Variants in PODNL1 observed in about 807,000 individuals in gnomAD.
PODNL1 encodes podocan like 1, also known as podocan-like protein 1.
Under a neutral mutation model 45.1 loss-of-function variants are expected in PODNL1, and 50 were observed. The observed-to-expected ratio is 1.11, with a 90% CI of 0.88 to 1.40. The LOEUF (loss-of-function observed/expected upper bound fraction) is 1.40. Ranked by LOEUF, PODNL1 falls within the 40% of genes most tolerant of loss-of-function variation. The pLI is 0.00. For synonymous variants in PODNL1, 406 were observed against 372.5 expected (o/e 1.09, Z -1.04); for missense variants, 788 against 793.3 (o/e 0.99, Z 0.08).
At chr19:13,940,951 T>G (rs1568440768), upstream of PODNL1, among the ~76,000 whole-genome samples, 1 of 151,378 alleles carries the variant, frequency 6.6e-6, no homozygotes, top group African/African-American at 2.4e-5. Context: ...GAGGCTGAAG[T>G]GGGAGGATCA....
chr19:13,952,268 A>G (rs181031378), intron 1 of PODNL1, among the ~76,000 whole-genome samples: 143 of 152,380 alleles, frequency 9.4e-4, no homozygotes, highest in Admixed American at 2.9e-3. Flanking sequence ...TTATCTGGGC[A>G]GGGCGAACAA....
rs982627421 is a variant in PODNL1 at position 13,933,163 on chromosome 19, G to A, written c.1060C>T (p.Arg354Cys). 9.1e-6 allele frequency: 14 copies of A among 1,531,584 alleles called. No individual in the cohort carries two copies. The highest frequency in any genetic ancestry group is 2.7e-5 in the African/African-American group (2 of 72,978). The allele number at this position is 1,531,584 out of a possible 1,614,324, so 94.9% of individuals were successfully genotyped here. ...RVPPALPRRL[R>C]ALVLPHNHVA... The stretch of plus-strand genomic sequence containing the variant: ...TGGTTGTGGGGCAGCACCAGGGCAC[G>A]CAGGCGGCGGGGCAGGGCTGGAGGC... Residue 354 changes from arginine (R) to cysteine (C), a missense_variant, in exon 8 of 10, where the codon CGT (arginine) becomes TGT (cysteine). Physicochemically the swap from Arg to Cys is radical, Grantham distance 180. Around this residue, in one of 3 missense-constraint regions of PODNL1, gnomAD observed 762 missense variants for 750.9 expected, o/e 1.01. Transcript: ENST00000588872. The surrounding 1 kb of genome is among the most constrained non-coding windows in gnomAD (Gnocchi z 5.2).
At position 13,937,838 on chromosome 19, in the gene PODNL1, G is replaced by T; in HGVS notation, c.172C>A (p.Leu58Ile). The change falls in exon 2 of 10, where the codon CTT becomes ATT. Residue 58 changes from leucine (L) to isoleucine (I), a missense_variant. Around this residue, in one of 3 missense-constraint regions of PODNL1, gnomAD observed 762 missense variants for 750.9 expected, o/e 1.01. Transcript: ENST00000588872. Reference protein sequence around the residue: ...VDTVDCDGLDLRVFPDNITRA... With the variant: ...VDTVDCDGLDIRVFPDNITRA... ...GTGATGTTGTCCGGGAACACTCGAA[G>T]GTCCAAGCCATCACAGTCCACAGTG... 6.3e-7 allele frequency: 1 copy of T among 1,596,804 alleles called. No individual in the cohort carries two copies. Among genetic ancestry groups the T allele is most frequent in the South Asian group, 1.1e-5 (1 of 88,078 alleles).
exon 1 of PODNL1, chr19:13,953,307 A>T: frequency 1.7e-6 from 1 of 602,344 alleles, no homozygotes; most frequent in Non-Finnish European, 2.8e-6. Flanking sequence ...GATCTCTTGC[A>T]GGTGGGCAGT....
intron 5 of PODNL1, among the ~76,000 whole-genome samples, chr19:13,935,250 A>G (rs1278486350): frequency 6.6e-6 from 1 of 152,100 alleles, no homozygotes; most frequent in Non-Finnish European, 1.5e-5. Context: ...CCAGGGTAGA[A>G]CTATGCCCTC....
In PODNL1 at chr19:13,935,789, G is replaced by A. The variant is rs762487027; in HGVS notation, c.426C>T (p.Val142=). 1.3e-5 allele frequency: 21 copies of A among 1,598,304 alleles called. No individual in the cohort carries two copies. Among genetic ancestry groups the A allele is most frequent in the Middle Eastern group, 1.7e-4 (1 of 5,972 alleles). ...APQFLPRSLR[V]ADLAANQVME... The stretch of plus-strand genomic sequence containing the variant: ...TCACTTGGTTGGCAGCCAGATCCGC[G>A]ACACGGAGGGACCGGGGCAGAAACT... Residue 142 remains valine (V), a synonymous_variant, in exon 5 of 10, where the codon GTC becomes GTT. Coordinates refer to ENST00000588872, the MANE Select transcript of PODNL1 (RefSeq NM_001370095.3).
At chr19:13,935,076 GTGAT>G (rs1283266601) in intron 5 of PODNL1, among the ~76,000 whole-genome samples, 3 of 152,080 alleles carry the variant, frequency 2.0e-5, no homozygotes, top group Non-Finnish European at 4.4e-5. Flanking sequence ...GTGTGTGCAT[GTGAT>G]TGTGTGTGCA....
Position 13,931,632 on chromosome 19 carries a change from G to T in PODNL1, c.*105C>A. 8.7e-7 allele frequency: 1 copy of T among 1,150,152 alleles called. No individual in the cohort carries two copies. The highest frequency in any genetic ancestry group is 1.1e-6 in the Non-Finnish European group (1 of 914,268). 71.2% of individuals were successfully genotyped at this position (1,150,152 alleles called of 1,614,324 possible). A position where few individuals can be genotyped will look rare whatever the true frequency, so the allele number is the denominator to read the frequency against. The stretch of plus-strand genomic sequence containing the variant: ...CAGGCAGAGCAGGCCCAGCCCTGGA[G>T]GCCCAGGAGAGCCAGACCAAGGGCC... On this transcript the variant is annotated 3_prime_UTR_variant, in exon 10 of 10. Transcript: ENST00000588872.
At chr19:13,952,555 A>AGCGGCG in intron 1 of PODNL1, 1 of 1,264,160 alleles carries the variant, frequency 7.9e-7, no homozygotes, top group Non-Finnish European at 1.0e-6. Flanking sequence ...CGGGGCTGGG[A>AGCGGCG]GCGGCGGCGG....
At chr19:13,932,299 CACAG>C (rs1366199961) in intron 8 of PODNL1, 187 bp from the exon 9 acceptor site, 13 of 654,942 alleles carry the variant, frequency 2.0e-5, no homozygotes, top group Non-Finnish European at 2.6e-5. Flanking sequence ...CCCAGGAAGG[CACAG>C]ACAGACAGGT....
chr19:13,936,334 C>T, intron 3 of PODNL1, 33 bp downstream of exon 3: 1 of 1,569,426 alleles, frequency 6.4e-7, no homozygotes, highest in Admixed American at 1.7e-5. Context: ...AGTCCTACAG[C>T]CCCAGAGAGG....
intron 1 of PODNL1, among the ~76,000 whole-genome samples, chr19:13,947,681 C>G (rs944961155): frequency 1.3e-5 from 2 of 152,204 alleles, no homozygotes; most frequent in East Asian, 3.9e-4. Context: ...TTGGGCCAAA[C>G]TGACTTCTCC....
chr19:13,952,791 G>C, intron 1 of PODNL1: 3 of 1,250,970 alleles, frequency 2.4e-6, no homozygotes, highest in Non-Finnish European at 2.1e-6. Context: ...GGCGGGGCCC[G>C]GGGGAGATGG....
Position 13,932,123 on chromosome 19 carries a change from G to T in PODNL1, c.1426-11C>A. 1.6e-6 allele frequency: 2 copies of T among 1,234,376 alleles called. No homozygotes were observed. The highest frequency in any genetic ancestry group is 3.1e-4 in the Middle Eastern group (1 of 3,210). The allele number at this position is 1,234,376 out of a possible 1,614,324, so 76.5% of individuals were successfully genotyped here. On this transcript the variant is annotated splice_polypyrimidine_tract_variant and intron_variant, in intron 8 of 9. Transcript: ENST00000588872. ...GCTGAGGTCCAGCATCTGGGCAGGG[G>T]GTTATAGATGGCATCGTGGCAGCCC...
At chr19:13,942,919 T>C (rs1385269967), upstream of PODNL1, among the ~76,000 whole-genome samples, 1 of 151,914 alleles carries the variant, frequency 6.6e-6, no homozygotes, top group Non-Finnish European at 1.5e-5. Context: ...GAGAATCGCT[T>C]GAGCTCAGGA....
At position 13,938,243 on chromosome 19, in the gene PODNL1, G is replaced by A; in HGVS notation, c.-62C>T. ...GACCAGGACTTCCTAATGGAAACCA[G>A]GCGGTCACCTCCTGGAGCCTCTGCT... On this transcript the variant is annotated 5_prime_UTR_variant, in exon 1 of 10. Coordinates refer to ENST00000588872, the MANE Select transcript of PODNL1 (RefSeq NM_001370095.3). The A allele has an allele frequency of 6.3e-7, 1 of 1,588,106 alleles. No individual in the cohort carries two copies.
Position 13,931,821 on chromosome 19 carries a change from C to A in PODNL1, c.1641G>T (p.Val547=). The change falls in exon 10 of 10, where the codon GTG becomes GTT. Residue 547 remains valine, a synonymous_variant. Coordinates refer to ENST00000588872, the MANE Select transcript of PODNL1 (RefSeq NM_001370095.3). ...EAFLGLPNLR[V]VDTAGNPEQV... is the part of the protein sequence containing the mutation. ...GCTCCGGATTCCCTGCCGTGTCCAC[C>A]ACACGCAGGTTTGGGAGCCCCAGGA... is the stretch of plus-strand genomic sequence containing the variant. 8.1e-7 allele frequency: 1 copy of A among 1,231,838 alleles called. No homozygotes were observed. The highest frequency in any genetic ancestry group is 1.0e-6 in the Non-Finnish European group (1 of 987,880). The allele number at this position is 1,231,838 out of a possible 1,614,324, so 76.3% of individuals were successfully genotyped here. A position where few individuals can be genotyped will look rare whatever the true frequency, so the allele number is the denominator to read the frequency against.
intron 1 of PODNL1, among the ~76,000 whole-genome samples, chr19:13,950,891 A>C (rs1176181417): frequency 1.3e-5 from 2 of 151,842 alleles, no homozygotes; most frequent in African/African-American, 4.8e-5. Flanking sequence ...CTAAAAATAC[A>C]AAGATTAGCC....
Position 13,938,213 on chromosome 19 carries a change from C to CT in PODNL1, c.-33dup. 6.2e-7 allele frequency: 1 copy of CT among 1,607,156 alleles called. No homozygotes were observed. Among genetic ancestry groups the CT allele is most frequent in the South Asian group, 1.1e-5 (1 of 89,736 alleles). ...CCCTGACTCTGCCATCTCGCCCAAG[C>CT]TGCTGACCAGGACTTCCTAATGGAA... On this transcript the variant is annotated 5_prime_UTR_variant, in exon 1 of 10. Coordinates refer to ENST00000588872, the MANE Select transcript of PODNL1 (RefSeq NM_001370095.3).
Sources: allele counts gnomAD v4.1 joint callset (sites outside exome capture counted in the v4.1 genomes callset), GRCh38; gene constraint gnomAD v4.1.1; regional missense constraint gnomAD v4.1.1; non-coding constraint Gnocchi (gnomAD v3.1); transcripts MANE v1.5; gene names NCBI Gene and HGNC (gene_info 2026-07-23, HGNC 2026-07-21).